The following XIRP2 variants were observed in gnomAD, a reference collection of about 807,000 sequenced individuals.
XIRP2 encodes xin actin binding repeat containing 2.
In XIRP2, 236 loss-of-function variants were observed where a neutral mutation model predicts 277.0. The observed-to-expected ratio is 0.85, with a 90% CI of 0.77 to 0.95. The LOEUF (loss-of-function observed/expected upper bound fraction) is 0.95, where lower values mean the gene tolerates loss of function less well. XIRP2 is among the 40% of genes least tolerant of loss of function. The pLI, the probability that XIRP2 is intolerant of heterozygous loss-of-function variation, is 0.00. For missense variants in XIRP2, 4,640 were observed against 4,157.5 expected (o/e 1.12, Z -3.19); for synonymous variants, 1,490 against 1,416.5 (o/e 1.05, Z -1.17).
At chr2:167,181,976 C>T (rs984144622) in intron 3 of XIRP2, among the ~76,000 whole-genome samples, 2 of 152,066 alleles carry the variant, frequency 1.3e-5, no homozygotes, top group African/African-American at 2.4e-5. Context: ...AGCCCCCTGG[C>T]TTGCATGATA....
chr2:167,146,832 G>A (rs1155284), intron 3 of XIRP2, among the ~76,000 whole-genome samples: 51,102 of 151,828 alleles, frequency 0.34, 11,100 homozygotes, highest in African/African-American at 0.62. Context: ...GTGAAAGTAC[G>A]TAATACGACA....
intron 2 of XIRP2, among the ~76,000 whole-genome samples, chr2:166,956,714 G>A (rs1178754403): frequency 6.6e-6 from 1 of 151,726 alleles, no homozygotes; most frequent in African/African-American, 2.4e-5. Context: ...AAGATGGCTG[G>A]TCCTTGAGAG....
chr2:167,023,982 A>G (rs940941590), intron 2 of XIRP2, among the ~76,000 whole-genome samples: 1 of 152,060 alleles, frequency 6.6e-6, no homozygotes, highest in African/African-American at 2.4e-5. Flanking sequence ...GTTTTTTCCA[A>G]TTCTGTGAAG....
chr2:167,135,768 A>AT, intron 2 of XIRP2, 141 bp from the exon 3 acceptor site: 1 of 774,170 alleles, frequency 1.3e-6, no homozygotes, highest in East Asian at 2.9e-5. Flanking sequence ...AGTTATCAAC[A>AT]TTTTACCTGA....
chr2:167,115,646 C>G (rs1203198069), intron 2 of XIRP2, among the ~76,000 whole-genome samples: 1 of 152,166 alleles, frequency 6.6e-6, no homozygotes, highest in African/African-American at 2.4e-5. Context: ...ATTATTGTCT[C>G]TGTTCTCACA....
At position 167,247,706 on chromosome 2, in the gene XIRP2, TGAA is replaced by T. The variant is rs752244984; in HGVS notation, c.6319_6321del (p.Lys2107del). The T allele has an allele frequency of 1.2e-6, 2 of 1,613,478 alleles. No homozygotes were observed. The highest frequency in any genetic ancestry group is 2.7e-5 in the African/African-American group (2 of 74,846). Reference sequence around the variant, plus strand: ...GAATCAGACAGGGCAGTGAGAGAGCTGAAGAAGGATGATGTCTTTAATTCCATC... The same window carrying T: ...GAATCAGACAGGGCAGTGAGAGAGCTGAAGGATGATGTCTTTAATTCCATC... On this transcript the variant is annotated inframe_deletion, in exon 9 of 11. Transcript: ENST00000409195.
At chr2:166,962,564 G>A (rs895933617) in intron 2 of XIRP2, among the ~76,000 whole-genome samples, 1 of 151,632 alleles carries the variant, frequency 6.6e-6, no homozygotes, top group Admixed American at 6.6e-5. Flanking sequence ...TTTCAGACTT[G>A]CTTCATAAGC....
At chr2:166,982,419 T>G (rs1371952992) in intron 2 of XIRP2, among the ~76,000 whole-genome samples, 1 of 151,966 alleles carries the variant, frequency 6.6e-6, no homozygotes, top group Non-Finnish European at 1.5e-5. Context: ...TGGTACCAAT[T>G]TCTTCAAATA....
intron 4 of XIRP2, among the ~76,000 whole-genome samples, chr2:167,214,632 T>C (rs1694189519): frequency 6.6e-6 from 1 of 151,860 alleles, no homozygotes; most frequent in Non-Finnish European, 1.5e-5. Flanking sequence ...AGTGGCACAA[T>C]CTCGGCTCAC....
At chr2:167,126,213 T>C (rs556829563) in intron 2 of XIRP2, among the ~76,000 whole-genome samples, 1 of 152,256 alleles carries the variant, frequency 6.6e-6, no homozygotes, top group South Asian at 2.1e-4. Flanking sequence ...TCTCACTCTC[T>C]CTTTCTCTGC....
chr2:167,082,214 C>G (rs370681337), intron 2 of XIRP2, among the ~76,000 whole-genome samples: 75 of 151,448 alleles, frequency 5.0e-4, no homozygotes, highest in Admixed American at 1.3e-3. Flanking sequence ...TTTGTTCTTG[C>G]GATAGTTTAC....
chr2:166,942,836 G>A (rs1685756294), intron 2 of XIRP2, among the ~76,000 whole-genome samples: 1 of 151,884 alleles, frequency 6.6e-6, no homozygotes, highest in Non-Finnish European at 1.5e-5. Context: ...AAACTCTACA[G>A]CATCAACCAA....
At chr2:167,218,407 T>C (rs1397116384) in intron 5 of XIRP2, 107 bp downstream of exon 5, 2 of 1,068,314 alleles carry the variant, frequency 1.9e-6, no homozygotes, top group Non-Finnish European at 2.5e-6. Context: ...TTTTCATTAC[T>C]CATTAACAAA....
intron 2 of XIRP2, among the ~76,000 whole-genome samples, chr2:166,921,057 T>C (rs1685024093): frequency 6.6e-6 from 1 of 152,130 alleles, no homozygotes; most frequent in South Asian, 2.1e-4. Context: ...AATCCCTCTT[T>C]TTCTCTTTCT....
intron 2 of XIRP2, among the ~76,000 whole-genome samples, chr2:166,917,175 A>G (rs1684907016): frequency 6.6e-6 from 1 of 152,144 alleles, no homozygotes; most frequent in South Asian, 2.1e-4. Flanking sequence ...ATCTGACAAC[A>G]CCTTCGTCTT....
At chr2:167,148,086 A>G (rs1056967230) in intron 3 of XIRP2, among the ~76,000 whole-genome samples, 2 of 152,132 alleles carry the variant, frequency 1.3e-5, no homozygotes, top group Non-Finnish European at 2.9e-5. Flanking sequence ...ACTTCAAAAG[A>G]AAGAAGGAAA....
intron 2 of XIRP2, among the ~76,000 whole-genome samples, chr2:167,064,320 AC>A (rs1689246186): frequency 6.6e-6 from 1 of 151,798 alleles, no homozygotes; most frequent in Non-Finnish European, 1.5e-5. Context: ...TACATCTTTA[AC>A]CTGCACTTTG....
intron 2 of XIRP2, among the ~76,000 whole-genome samples, chr2:167,021,194 G>C (rs1316375265): frequency 1.3e-5 from 2 of 152,144 alleles, no homozygotes; most frequent in Non-Finnish European, 2.9e-5. Context: ...GTGCTTTCAG[G>C]TGTGTTTTAT....
intron 2 of XIRP2, among the ~76,000 whole-genome samples, chr2:167,018,734 C>T (rs1467633605): frequency 6.6e-6 from 1 of 151,964 alleles, no homozygotes. Flanking sequence ...ACAGCAGAAA[C>T]CTGAAGAACC....
Sources: allele counts gnomAD v4.1 joint callset (sites outside exome capture counted in the v4.1 genomes callset), GRCh38; gene constraint gnomAD v4.1.1; transcripts MANE v1.5; gene names NCBI Gene and HGNC (gene_info 2026-07-23, HGNC 2026-07-21).